Variants in SENP7 observed in about 807,000 individuals in gnomAD.
SENP7 encodes sentrin-specific protease 7.
A neutral mutation model predicts 141.2 loss-of-function variants in SENP7; 64 were observed. The observed-to-expected ratio is 0.45, with a 90% confidence interval of 0.37 to 0.56. The LOEUF is 0.56. Ranked by LOEUF, SENP7 falls within the 20% of genes least tolerant of loss-of-function variation. The probability of loss-of-function intolerance (pLI) is 0.00; values close to 1 mark genes in which losing one functional copy is unlikely to be tolerated. For synonymous variants in SENP7, 382 were observed against 426.4 expected (o/e 0.90, Z 1.28); for missense variants, 1,025 against 1,212.2 (o/e 0.85, Z 2.29).
Position 101,374,169 on chromosome 3 carries a change from AT to A in SENP7, c.678-2044del, listed in dbSNP as rs1456977052. ...AAACTTTCAAATATATGCTCAAAAG[AT>A]TTTTGACAAGGATGCTGAAACCATT... On this transcript the variant is annotated intron_variant, in intron 6 of 23. Transcript: ENST00000394095. Among the ~76,000 whole-genome samples the A allele has an allele frequency of 3.9e-5, 6 of 152,194 alleles. No individual in the cohort carries two copies. In the East Asian group the frequency reaches 1.2e-3, roughly 29 times the overall value.
chr3:101,500,797 ATGT>A (rs1021708507), intron 2 of SENP7, among the ~76,000 whole-genome samples: 10 of 152,192 alleles, frequency 6.6e-5, no homozygotes, highest in African/African-American at 1.9e-4. Context: ...CATCAAAGAA[ATGT>A]TGTGCTATGT....
At chr3:101,475,000 T>C (rs1158431342) in intron 3 of SENP7, among the ~76,000 whole-genome samples, 1 of 151,984 alleles carries the variant, frequency 6.6e-6, no homozygotes, top group Admixed American at 6.6e-5. Context: ...AAGACACACA[T>C]GAAGTGAAAG....
intron 5 of SENP7, among the ~76,000 whole-genome samples, chr3:101,410,603 T>C (rs941041182): frequency 6.6e-6 from 1 of 152,118 alleles, no homozygotes; most frequent in African/African-American, 2.4e-5. Context: ...TCCCAGCACT[T>C]TGGGACACCA....
intron 3 of SENP7, among the ~76,000 whole-genome samples, chr3:101,465,063 T>G (rs898992532): frequency 6.6e-6 from 1 of 152,112 alleles, no homozygotes; most frequent in African/African-American, 2.4e-5. Context: ...CATTCCTCAA[T>G]GTCACCAATG....
intron 5 of SENP7, among the ~76,000 whole-genome samples, chr3:101,411,907 G>A (rs547539503): frequency 2.0e-5 from 3 of 152,128 alleles, no homozygotes; most frequent in Non-Finnish European, 4.4e-5. Flanking sequence ...TGCAGTGAGA[G>A]GTAGCAGAAA....
At chr3:101,361,232 T>C (rs1463197122) in intron 11 of SENP7, among the ~76,000 whole-genome samples, 2 of 139,764 alleles carry the variant, frequency 1.4e-5, no homozygotes, top group Non-Finnish European at 3.1e-5. Flanking sequence ...AAAAAAAAAA[T>C]AGAGAACCGA....
chr3:101,383,621 G>A (rs1227673173), intron 6 of SENP7, among the ~76,000 whole-genome samples: 1 of 152,242 alleles, frequency 6.6e-6, no homozygotes, highest in Non-Finnish European at 1.5e-5. Context: ...TTGAGGCCAA[G>A]GCGAGGCACT....
intron 3 of SENP7, among the ~76,000 whole-genome samples, chr3:101,491,838 T>C (rs2064977843): frequency 6.6e-6 from 1 of 152,188 alleles, no homozygotes; most frequent in South Asian, 2.1e-4. Flanking sequence ...ATGCCTGTAA[T>C]ACCAGCACTT....
intron 3 of SENP7, among the ~76,000 whole-genome samples, chr3:101,484,089 C>A (rs2064623595): frequency 6.6e-6 from 1 of 152,074 alleles, no homozygotes; most frequent in South Asian, 2.1e-4. Context: ...CCATAAAACT[C>A]CTAGAAGATA....
intron 3 of SENP7, among the ~76,000 whole-genome samples, chr3:101,483,838 AT>A (rs2064607605): frequency 6.6e-6 from 1 of 152,170 alleles, no homozygotes; most frequent in Admixed American, 6.5e-5. Context: ...CCTGGCCAAC[AT>A]GGTGAAACCT....
chr3:101,459,737 A>G (rs2063489244), intron 3 of SENP7, among the ~76,000 whole-genome samples: 1 of 152,214 alleles, frequency 6.6e-6, no homozygotes, highest in African/African-American at 2.4e-5. Flanking sequence ...TAAAAGAGAT[A>G]TTTGTACAAT....
At chr3:101,351,521 A>C (rs1444739066) in intron 12 of SENP7, 97 bp downstream of exon 12, 1 of 1,006,194 alleles carries the variant, frequency 9.9e-7, no homozygotes, top group Non-Finnish European at 1.3e-6. Flanking sequence ...GAATTGCTAA[A>C]AAATATTAAG....
At chr3:101,406,349 C>T (rs576563018) in intron 5 of SENP7, among the ~76,000 whole-genome samples, 39 of 152,012 alleles carry the variant, frequency 2.6e-4, no homozygotes, top group African/African-American at 8.9e-4. Flanking sequence ...AACCAAACAC[C>T]GCATGTTCTC....
intron 4 of SENP7, among the ~76,000 whole-genome samples, chr3:101,433,529 T>C (rs2062264911): frequency 6.6e-6 from 1 of 152,000 alleles, no homozygotes; most frequent in East Asian, 1.9e-4. Flanking sequence ...AGAAACACAC[T>C]TCACCTATAA....
intron 4 of SENP7, 43 bp from the exon 5 acceptor site, chr3:101,417,833 T>C: frequency 7.1e-7 from 1 of 1,411,764 alleles, no homozygotes; most frequent in African/African-American, 1.4e-5. Context: ...TACTACACAT[T>C]GTAGAATACA....
chr3:101,454,720 G>C (rs2063292746), intron 4 of SENP7, among the ~76,000 whole-genome samples: 1 of 152,122 alleles, frequency 6.6e-6, no homozygotes, highest in South Asian at 2.1e-4. Flanking sequence ...AAAACATTAT[G>C]CTCAGTGAAA....
intron 6 of SENP7, among the ~76,000 whole-genome samples, chr3:101,386,257 G>A (rs753091788): frequency 4.1e-4 from 62 of 152,162 alleles, no homozygotes; most frequent in Non-Finnish European, 7.8e-4. Context: ...TGCACTCAGA[G>A]CCAGGACAGA....
chr3:101,485,589 G>A (rs946309058), intron 3 of SENP7, among the ~76,000 whole-genome samples: 3 of 152,086 alleles, frequency 2.0e-5, no homozygotes, highest in African/African-American at 7.2e-5. Flanking sequence ...AATATGCCAT[G>A]GGACAAAAGA....
At chr3:101,438,831 C>T (rs1002434987) in intron 4 of SENP7, among the ~76,000 whole-genome samples, 3 of 152,034 alleles carry the variant, frequency 2.0e-5, no homozygotes, top group Admixed American at 6.6e-5. Context: ...GCCGCGCCGG[C>T]GAGCGCCGCC....
Sources: allele counts gnomAD v4.1 joint callset (sites outside exome capture counted in the v4.1 genomes callset), GRCh38; gene constraint gnomAD v4.1.1; transcripts MANE v1.5; gene names NCBI Gene and HGNC (gene_info 2026-07-23, HGNC 2026-07-21).